WWOX: variants seen among roughly 807,000 people sequenced by gnomAD.
WWOX encodes the protein WW domain-containing oxidoreductase.
WWOX carries 69 observed loss-of-function variants against 46.2 expected under a neutral mutation model. That is an observed-to-expected ratio of 1.49 (90% confidence interval 1.23 to 1.82). WWOX has a LOEUF of 1.82. Ranked by LOEUF, WWOX falls within the 40% of genes most tolerant of loss-of-function variation. The pLI is 0.00. For synonymous variants in WWOX, 359 were observed against 202.6 expected, an observed-to-expected ratio of 1.77 and a Z score of -6.56; for missense variants, 919 against 542.6, an observed-to-expected ratio of 1.69 and a Z score of -6.89.
intron 8 of WWOX, among the ~76,000 whole-genome samples, chr16:78,886,249 C>T (rs1211960234): frequency 6.7e-6 from 1 of 149,888 alleles, no homozygotes; most frequent in East Asian, 2.0e-4. Context: ...TTAAAGTATA[C>T]CCATACCCAT....
chr16:78,638,562 C>G (rs1317992840), intron 8 of WWOX, among the ~76,000 whole-genome samples: 1 of 152,114 alleles, frequency 6.6e-6, no homozygotes, highest in East Asian at 1.9e-4. Flanking sequence ...CTGTTAATTG[C>G]AATTGACTCT....
At chr16:78,563,535 T>A (rs2044491277) in intron 8 of WWOX, among the ~76,000 whole-genome samples, 3 of 149,898 alleles carry the variant, frequency 2.0e-5, no homozygotes, top group Admixed American at 6.7e-5. Context: ...TTTTTTTTCT[T>A]TTTTTTTTTC....
chr16:78,628,344 CTTTG>C (rs1344002530), intron 8 of WWOX, among the ~76,000 whole-genome samples: 1 of 152,220 alleles, frequency 6.6e-6, no homozygotes, highest in East Asian at 1.9e-4. Flanking sequence ...GCAGAATCCC[CTTTG>C]TTTGCTCTAA....
intron 6 of WWOX, among the ~76,000 whole-genome samples, chr16:78,406,344 A>T (rs1157912372): frequency 2.2e-4 from 18 of 83,266 alleles, no homozygotes; most frequent in African/African-American, 1.8e-3. Context: ...ATATATATAT[A>T]TATATATATA....
intron 8 of WWOX, among the ~76,000 whole-genome samples, chr16:78,731,873 G>T (rs1289329440): frequency 1.1e-4 from 15 of 137,440 alleles, no homozygotes; most frequent in Middle Eastern, 3.9e-3. Flanking sequence ...TGAGAGACAG[G>T]GTCTTGCTTT....
At chr16:78,422,756 T>TATACACATGTATATAC (rs1279632567) in intron 6 of WWOX, among the ~76,000 whole-genome samples, 2 of 103,996 alleles carry the variant, frequency 1.9e-5, no homozygotes, top group African/African-American at 1.3e-4. Context: ...TACACATATA[T>TATACACATGTATATAC]ACACATATAT....
intron 8 of WWOX, among the ~76,000 whole-genome samples, chr16:78,572,587 A>G (rs2044743837): frequency 7.7e-6 from 1 of 129,442 alleles, no homozygotes; most frequent in Non-Finnish European, 1.6e-5. Context: ...TGGGCTACAG[A>G]GTAAGACTCT....
intron 8 of WWOX, among the ~76,000 whole-genome samples, chr16:78,882,592 TCGCCTCC>T (rs2044365945): frequency 6.9e-6 from 1 of 145,568 alleles, no homozygotes; most frequent in African/African-American, 2.6e-5. Flanking sequence ...TCCTCTCTCC[TCGCCTCC>T]CGAGTAGCCT....
intron 8 of WWOX, among the ~76,000 whole-genome samples, chr16:78,724,596 T>G (rs567152890): frequency 3.9e-5 from 6 of 152,312 alleles, no homozygotes; most frequent in Admixed American, 2.6e-4. Flanking sequence ...GACCCACTTA[T>G]GTGTAGTCCC....
intron 8 of WWOX, among the ~76,000 whole-genome samples, chr16:78,633,312 T>G (rs2046485639): frequency 6.6e-6 from 1 of 152,106 alleles, no homozygotes; most frequent in Non-Finnish European, 1.5e-5. Flanking sequence ...AGAGCATAAG[T>G]ATCTTCTATG....
intron 8 of WWOX, among the ~76,000 whole-genome samples, chr16:79,034,785 C>T (rs903249448): frequency 6.6e-6 from 1 of 152,092 alleles, no homozygotes; most frequent in Non-Finnish European, 1.5e-5. Flanking sequence ...CCATAAATTA[C>T]ATGAAGGAAT....
chr16:78,747,687 A>G (rs1325683777), intron 8 of WWOX, among the ~76,000 whole-genome samples: 1 of 152,040 alleles, frequency 6.6e-6, no homozygotes, highest in Non-Finnish European at 1.5e-5. Context: ...ATATGTATAC[A>G]ATTGTTTCCT....
At chr16:79,168,810 T>C (rs990789154) in intron 8 of WWOX, among the ~76,000 whole-genome samples, 3 of 152,154 alleles carry the variant, frequency 2.0e-5, no homozygotes, top group Non-Finnish European at 4.4e-5. Context: ...TGAGATCCAG[T>C]TGAGACCAGA....
chr16:79,175,921 T>A (rs147382997), intron 8 of WWOX, among the ~76,000 whole-genome samples: 60 of 152,288 alleles, frequency 3.9e-4, no homozygotes, highest in African/African-American at 1.3e-3. Context: ...CATGCTGTAA[T>A]CTCTACCTGA....
intron 8 of WWOX, among the ~76,000 whole-genome samples, chr16:78,874,306 A>T (rs2044189777): frequency 6.6e-6 from 1 of 151,072 alleles, no homozygotes; most frequent in East Asian, 1.9e-4. Flanking sequence ...GGAGGCCCTG[A>T]GTTGGGGAGT....
intron 5 of WWOX, among the ~76,000 whole-genome samples, chr16:78,314,700 TG>T (rs374227660): frequency 0.01 from 720 of 69,780 alleles, 25 homozygotes; most frequent in African/African-American, 0.065. Flanking sequence ...TTTTTTTTTT[TG>T]TTTTTTTTTT....
intron 8 of WWOX, among the ~76,000 whole-genome samples, chr16:79,030,292 T>C (rs1237514614): frequency 6.6e-6 from 1 of 152,258 alleles, no homozygotes; most frequent in East Asian, 1.9e-4. Context: ...ACTTCTTCAT[T>C]AGGGTTTCTC....
chr16:78,443,504 A>G (rs1033667457), intron 8 of WWOX, among the ~76,000 whole-genome samples: 3 of 152,124 alleles, frequency 2.0e-5, no homozygotes, highest in Non-Finnish European at 4.4e-5. Flanking sequence ...AAAGAGAGGG[A>G]AACTAGATCT....
At chr16:79,129,515 C>A (rs535870720) in intron 8 of WWOX, among the ~76,000 whole-genome samples, 1 of 151,560 alleles carries the variant, frequency 6.6e-6, no homozygotes, top group Non-Finnish European at 1.5e-5. Context: ...GTTTAAGCTG[C>A]AGAAAATGGC....
Sources: allele counts gnomAD v4.1 joint callset (sites outside exome capture counted in the v4.1 genomes callset), GRCh38; gene constraint gnomAD v4.1.1; transcripts MANE v1.5; gene names NCBI Gene and HGNC (gene_info 2026-07-23, HGNC 2026-07-21).